CPNE2: variants seen among roughly 807,000 people sequenced by gnomAD.
CPNE2 encodes copine 2.
A neutral mutation model predicts 69.7 loss-of-function variants in CPNE2; 42 were observed. That is an observed-to-expected ratio of 0.60 (90% CI 0.47 to 0.78). The LOEUF is 0.78. CPNE2 is among the 30% of genes least tolerant of loss of function. CPNE2 has a pLI of 0.00. For missense variants in CPNE2, 587 were observed against 732.0 expected (o/e 0.80, Z 2.29); for synonymous variants, 294 against 289.8 (o/e 1.01, Z -0.15).
intron 7 of CPNE2, among the ~76,000 whole-genome samples, chr16:57,119,868 A>G (rs1323740468): frequency 6.6e-6 from 1 of 152,236 alleles, no homozygotes. Flanking sequence ...GCCCCTCTCT[A>G]AAACTCTCTT....
At chr16:57,135,950 AGGGAAG>A (rs1406893377) in intron 13 of CPNE2, among the ~76,000 whole-genome samples, 13 of 134,866 alleles carry the variant, frequency 9.6e-5, no homozygotes, top group Middle Eastern at 3.7e-3. Flanking sequence ...AAGGAAAGGA[AGGGAAG>A]GGGAAGGGGA....
At chr16:57,109,840 A>G (rs1409366552) in intron 1 of CPNE2, among the ~76,000 whole-genome samples, 1 of 152,128 alleles carries the variant, frequency 6.6e-6, no homozygotes, top group Non-Finnish European at 1.5e-5. Flanking sequence ...ATGCCTAACC[A>G]TCTAGGAATG....
At chr16:57,093,145 G>A (rs2069555056) in intron 1 of CPNE2, among the ~76,000 whole-genome samples, 1 of 152,110 alleles carries the variant, frequency 6.6e-6, no homozygotes, top group African/African-American at 2.4e-5. Flanking sequence ...CGCTGCCGCA[G>A]CTGCTGAAGG....
At chr16:57,119,142 C>T in intron 5 of CPNE2, 53 bp from the exon 6 acceptor site, 2 of 1,535,888 alleles carry the variant, frequency 1.3e-6, no homozygotes, top group Non-Finnish European at 1.8e-6. Context: ...CCCCATCTGC[C>T]TGAACCTAGC....
Position 57,146,612 on chromosome 16 carries a change from G to A in CPNE2, c.1539+291G>A. On this transcript the variant is annotated intron_variant, in intron 15 of 15. Transcript: ENST00000290776. This position sits in a 1 kb window ranked among gnomAD's most constrained non-coding sequence, Gnocchi z 4.4. ...CTTCCTGGAGGACCTGCCCTCTAGT[G>A]GGGTCTGATGAGAGGCTGGGGCTAT... 1 of 416,064 alleles carries A rather than the reference G, an allele frequency of 2.4e-6. No individual in the cohort carries two copies. Among genetic ancestry groups the A allele is most frequent in the East Asian group, 5.0e-5 (1 of 20,032 alleles). The allele number at this position is 416,064 out of a possible 1,614,324, so 25.8% of individuals were successfully genotyped here. A position where few individuals can be genotyped will look rare whatever the true frequency, so the allele number is the denominator to read the frequency against.
chr16:57,121,184 G>C lies in CPNE2; in HGVS notation c.773G>C (p.Ser258Thr). The change falls in exon 8 of 16, where the codon AGC becomes ACC. Residue 258 changes from serine to threonine, a missense_variant. Physicochemically the swap from Ser to Thr is moderately conservative, Grantham distance 58 (BLOSUM62 1). This residue lies in a region of CPNE2 where 269 missense variants were observed against 300.5 expected (regional missense o/e 0.90). Coordinates refer to ENST00000290776, the MANE Select transcript of CPNE2 (RefSeq NM_152727.6). ...SVSQMCEARD[S>T]VPLEFECINP... is the part of the protein sequence containing the mutation. ...TCACAGATGTGTGAGGCTCGAGACA[G>C]CGTCCCGGTGAGATGGGCACGTGTA... 1 of 1,613,716 alleles carries C rather than the reference G, an allele frequency of 6.2e-7. No individual in the cohort carries two copies. The highest frequency in any genetic ancestry group is 8.5e-7 in the Non-Finnish European group (1 of 1,179,750).
rs906831268 is a variant in CPNE2 at position 57,115,662 on chromosome 16, G to A, written c.435+112G>A. On this transcript the variant is annotated intron_variant, in intron 4 of 15. Coordinates refer to ENST00000290776, the MANE Select transcript of CPNE2 (RefSeq NM_152727.6). ...TCACCAGCTTTGTTTGGAGTAAAAA[G>A]GCCCAACTTACAACTTAGCAACAGG... 8.5e-6 allele frequency: 6 copies of A among 706,670 alleles called. No homozygotes were observed. The African/African-American group carries it at 1.2e-4, about 14-fold the overall frequency. The allele number at this position is 706,670 out of a possible 1,614,324, so 43.8% of individuals were successfully genotyped here.
chr16:57,124,447 C>G (rs1490739545), intron 10 of CPNE2: 3 of 449,338 alleles, frequency 6.7e-6, no homozygotes, highest in Non-Finnish European at 1.3e-5. Context: ...TCGCTTCTCC[C>G]TGATCGTCGC....
chr16:57,110,665 C>G, intron 1 of CPNE2, 43 bp from the exon 2 acceptor site: 1 of 1,271,386 alleles, frequency 7.9e-7, no homozygotes, highest in Non-Finnish European at 1.0e-6. Flanking sequence ...GGCAGCATAG[C>G]AGGTGTCTGT....
intron 13 of CPNE2, among the ~76,000 whole-genome samples, chr16:57,135,969 G>A (rs1428805136): frequency 6.8e-6 from 1 of 146,644 alleles, no homozygotes; most frequent in Non-Finnish European, 1.5e-5. Flanking sequence ...GAAGGGGAAG[G>A]GAGAAGGAGG....
intron 6 of CPNE2, 43 bp downstream of exon 6, chr16:57,119,321 C>A (rs1399562493): frequency 6.3e-7 from 1 of 1,578,048 alleles, no homozygotes. Context: ...AGTGGGCCTG[C>A]AGTCCAGCCC....
intron 4 of CPNE2, among the ~76,000 whole-genome samples, chr16:57,117,077 C>A (rs2069724330): frequency 2.0e-5 from 3 of 152,092 alleles, no homozygotes; most frequent in African/African-American, 7.2e-5. Flanking sequence ...CCTAGCTGTA[C>A]AATGAAGTGG....
intron 14 of CPNE2, chr16:57,141,554 C>T (rs1192463305): frequency 6.6e-6 from 1 of 152,284 alleles, no homozygotes; most frequent in African/African-American, 2.4e-5. Flanking sequence ...CATTCTCTAC[C>T]TCCTGCCTTA....
chr16:57,142,105 A>G (rs1245897114), intron 14 of CPNE2: 1 of 152,196 alleles, frequency 6.6e-6, no homozygotes, highest in Non-Finnish European at 1.5e-5. Flanking sequence ...ATCTTTACCA[A>G]CCAACTTCTG....
chr16:57,133,784 C>T (rs2069856205), intron 12 of CPNE2, among the ~76,000 whole-genome samples: 1 of 152,218 alleles, frequency 6.6e-6, no homozygotes, highest in African/African-American at 2.4e-5. Context: ...TTCTAGTCCA[C>T]TCTGTGTCTC....
At chr16:57,136,317 G>C (rs375739276) in intron 13 of CPNE2, among the ~76,000 whole-genome samples, 29 of 152,314 alleles carry the variant, frequency 1.9e-4, no homozygotes, top group African/African-American at 6.0e-4. Context: ...TTCTGGGCAG[G>C]GCTACAGGGC....
At chr16:57,113,170 C>A in intron 2 of CPNE2, 118 bp from the exon 3 acceptor site, 1 of 940,758 alleles carries the variant, frequency 1.1e-6, no homozygotes, top group Non-Finnish European at 1.6e-6. Context: ...TGACGATGAC[C>A]ACAAGAGCCT....
At chr16:57,111,790 G>A (rs1265275286) in intron 2 of CPNE2, among the ~76,000 whole-genome samples, 2 of 152,242 alleles carry the variant, frequency 1.3e-5, no homozygotes, top group Admixed American at 6.5e-5. Flanking sequence ...TGAGCTGGAA[G>A]ACTTTGGCTT....
chr16:57,095,955 G>T (rs1168893913), intron 1 of CPNE2, among the ~76,000 whole-genome samples: 2 of 152,178 alleles, frequency 1.3e-5, no homozygotes, highest in African/African-American at 2.4e-5. Context: ...CTCCCCAAAG[G>T]GTGTCAGATC....
Sources: gnomAD v4.1 joint callset for allele counts (sites outside exome capture counted in the v4.1 genomes callset) on GRCh38, gnomAD v4.1.1 for gene constraint, gnomAD v4.1.1 regional missense constraint, Gnocchi (gnomAD v3.1) non-coding constraint, MANE v1.5 for transcripts, NCBI Gene and HGNC (gene_info 2026-07-23, HGNC 2026-07-21) for gene names.